The following SNX19 variants were observed in gnomAD, a reference collection of about 807,000 sequenced individuals.
SNX19 encodes sorting nexin 19.
SNX19 carries 60 observed loss-of-function variants against 85.2 expected under a neutral mutation model. That is an observed-to-expected ratio of 0.70 (90% CI 0.57 to 0.87). SNX19 has a LOEUF of 0.87. SNX19 is among the 40% of genes least tolerant of loss of function. SNX19 has a pLI of 0.00. For missense variants in SNX19, 1,201 were observed against 1,217.8 expected, an observed-to-expected ratio of 0.99 and a Z score of 0.21; for synonymous variants, 520 against 470.0, an observed-to-expected ratio of 1.11 and a Z score of -1.38.
intron 8 of SNX19, among the ~76,000 whole-genome samples, chr11:130,890,142 A>G (rs750200098): frequency 1.3e-5 from 2 of 152,268 alleles, no homozygotes; most frequent in East Asian, 1.9e-4. Flanking sequence ...ATGCTTCTCA[A>G]TCTGCAAGGT....
chr11:130,889,218 A>G (rs1233250078), intron 8 of SNX19, among the ~76,000 whole-genome samples: 4 of 152,106 alleles, frequency 2.6e-5, no homozygotes, highest in Non-Finnish European at 4.4e-5. Context: ...TGCATTGTTC[A>G]GTATGTGTCC....
chr11:130,870,750 A>G lies in SNX19; in HGVS notation c.*7672T>C, dbSNP rs935381177. 2.6e-5 allele frequency among the ~76,000 whole-genome samples: 4 copies of G among 152,074 alleles called. No homozygotes were observed. Among genetic ancestry groups the G allele is most frequent in the South Asian group, 2.1e-4 (1 of 4,828 alleles). ...CTTATTCACAAATTTTGCCTCTTAA[A>G]TAAACATAATCTTTAATTAAGTAAA... On this transcript the variant is annotated 3_prime_UTR_variant, in exon 11 of 11. Coordinates refer to ENST00000265909, the MANE Select transcript of SNX19 (RefSeq NM_014758.3).
At chr11:130,894,000 A>C in intron 8 of SNX19, 2 of 574,866 alleles carry the variant, frequency 3.5e-6, no homozygotes, top group Non-Finnish European at 6.2e-6. Context: ...CTCCAAAACC[A>C]AGTTAATGGG....
chr11:130,896,834 G>C (rs1401617470), intron 8 of SNX19, among the ~76,000 whole-genome samples: 1 of 152,092 alleles, frequency 6.6e-6, no homozygotes, highest in Non-Finnish European at 1.5e-5. Flanking sequence ...TTTGGTGGCA[G>C]ACCTGGAGGT....
At chr11:130,911,857 C>T in intron 1 of SNX19, 86 bp from the exon 2 acceptor site, 2 of 1,344,140 alleles carry the variant, frequency 1.5e-6, no homozygotes, top group Non-Finnish European at 2.1e-6. Context: ...GGTCAATGGC[C>T]ACATAGCAAG....
chr11:130,905,990 T>C lies in SNX19; in HGVS notation c.2406A>G (p.Ala802=), dbSNP rs567811431. 1 of 1,614,136 alleles carries C rather than the reference T, an allele frequency of 6.2e-7. No individual in the cohort carries two copies. The highest frequency in any genetic ancestry group is 1.1e-5 in the South Asian group (1 of 91,092). ...KGRVDSCVSD[A]AVPAQDPSNS... ...TGCTGGGGTCTTGGGCTGGCACGGC[T>C]GCATCTGACACGCAACTGTCCACAC... Residue 802 remains alanine, a synonymous_variant, in exon 7 of 11, where the codon GCA becomes GCG. Coordinates refer to ENST00000265909, the MANE Select transcript of SNX19 (RefSeq NM_014758.3).
rs939405736 is a variant in SNX19, at chr11:130,876,761, C to T, written c.*1661G>A. The T allele has an allele frequency of 6.6e-6, 1 of 152,662 alleles. No homozygotes were observed. The highest frequency in any genetic ancestry group is 2.4e-5 in the African/African-American group (1 of 41,436). The allele number at this position is 152,662 out of a possible 1,614,324, so 9.5% of individuals were successfully genotyped here. On this transcript the variant is annotated 3_prime_UTR_variant, in exon 11 of 11. Transcript: ENST00000265909. ...ACGGAAAGTAGAGATGCTGAGCTAC[C>T]TTTTCTTGTCAAAGTCTAGGGCTGG...
Position 130,867,654 on chromosome 11 carries a change from G to A in SNX19, c.*10768C>T, listed in dbSNP as rs1942824249. The A allele has an allele frequency of 6.6e-6, 1 of 152,204 alleles. No individual in the cohort carries two copies. The highest frequency in any genetic ancestry group is 2.4e-5 in the African/African-American group (1 of 41,450). The allele number at this position is 152,204 out of a possible 1,614,324, so 9.4% of individuals were successfully genotyped here. ...TCCTTCCTTAAATTGAGACCCAAAT[G>A]AGGTGGAAGAAAATCTCTACTGAGA... On this transcript the variant is annotated 3_prime_UTR_variant, in exon 11 of 11. Transcript: ENST00000265909.
rs768673284 is a variant in SNX19, at chr11:130,914,961, G to C, written c.979C>G (p.Pro327Ala). 1.4e-5 allele frequency: 23 copies of C among 1,614,016 alleles called. No individual in the cohort carries two copies. In the Admixed American group the frequency reaches 1.7e-4, roughly 12 times the overall value. The change falls in exon 1 of 11, where the codon CCA becomes GCA. Residue 327 changes from proline (P) to alanine (A), a missense_variant. Transcript: ENST00000265909. ...SEPEGSAGPS[P>A]EVEEGHEAVE... Reference sequence around the variant, plus strand: ...GCTTCGTGGCCTTCTTCAACCTCTGGAGAGGGGCCTGCAGAACCCTCTGGC... The same window carrying C: ...GCTTCGTGGCCTTCTTCAACCTCTGCAGAGGGGCCTGCAGAACCCTCTGGC...
Position 130,911,702 on chromosome 11 carries a change from G to C in SNX19, c.1744C>G (p.Arg582Gly). The change falls in exon 2 of 11, where the codon CGC becomes GGC. Residue 582 changes from arginine (R) to glycine (G), a missense_variant. Around this residue, in one of 3 missense-constraint regions of SNX19, gnomAD observed 791 missense variants for 750.9 expected, o/e 1.05. Coordinates refer to ENST00000265909, the MANE Select transcript of SNX19 (RefSeq NM_014758.3). ...QQLAYHTVNR[R>G]YREFLNLQTR... Reference sequence around the variant, plus strand: ...TGCAGATTCAAGAACTCCCGATAGCGACGATTCACAGTGTGGTAGGCCAGC... The same window carrying C: ...TGCAGATTCAAGAACTCCCGATAGCCACGATTCACAGTGTGGTAGGCCAGC... 1 of 1,614,150 alleles carries C rather than the reference G, an allele frequency of 6.2e-7. No homozygotes were observed. The highest frequency in any genetic ancestry group is 8.5e-7 in the Non-Finnish European group (1 of 1,180,018).
rs200183131 is a variant in SNX19 at position 130,914,497 on chromosome 11, T to A, written c.1443A>T (p.Ser481=). The change falls in exon 1 of 11, where the codon TCA becomes TCT. Residue 481 remains serine (S), a synonymous_variant. Coordinates refer to ENST00000265909, the MANE Select transcript of SNX19 (RefSeq NM_014758.3). ...GPEKTCPSRP[S]CLEKDLTNDV... is the part of the protein sequence containing the mutation. ...CATTGGTGAGATCCTTCTCTAAGCATGACGGCCGTGAGGGGCAGGTCTTTT... is the reference window on the plus strand; with the variant it reads ...CATTGGTGAGATCCTTCTCTAAGCAAGACGGCCGTGAGGGGCAGGTCTTTT... 250 of 1,613,818 alleles carry A rather than the reference T, an allele frequency of 1.5e-4. No homozygotes were observed. The highest frequency in any genetic ancestry group is 1.2e-4 in the Admixed American group (7 of 60,002).
chr11:130,909,710 GAC>G (rs1271435633), intron 4 of SNX19, among the ~76,000 whole-genome samples: 6 of 152,162 alleles, frequency 3.9e-5, no homozygotes, highest in Admixed American at 3.9e-4. Flanking sequence ...TATCTGTGAA[GAC>G]ACAGATCAAT....
At chr11:130,881,589 C>T (rs1401189727) in intron 8 of SNX19, among the ~76,000 whole-genome samples, 1 of 152,218 alleles carries the variant, frequency 6.6e-6, no homozygotes, top group African/African-American at 2.4e-5. Context: ...CTCTACCTCC[C>T]CAGCCATATC....
intron 8 of SNX19, chr11:130,894,987 T>G: frequency 1.0e-6 from 1 of 985,420 alleles, no homozygotes; most frequent in Non-Finnish European, 1.2e-6. Context: ...CTAAGTCACA[T>G]AGCCTCAAAG....
Position 130,870,646 on chromosome 11 carries a change from A to G in SNX19, c.*7776T>C, listed in dbSNP as rs897078853. On this transcript the variant is annotated 3_prime_UTR_variant, in exon 11 of 11. Coordinates refer to ENST00000265909, the MANE Select transcript of SNX19 (RefSeq NM_014758.3). ...CCCTTCAAGCCTTTCCATAAAAGTC[A>G]CCAGCACCCTGTCTCTGGGATGTGG... Among the ~76,000 whole-genome samples, 4 of 152,234 alleles carry G rather than the reference A, an allele frequency of 2.6e-5. No individual in the cohort carries two copies. The highest frequency in any genetic ancestry group is 4.8e-5 in the African/African-American group (2 of 41,450).
intron 6 of SNX19, 147 bp from the exon 7 acceptor site, chr11:130,906,280 AT>A: frequency 2.3e-6 from 2 of 855,468 alleles, no homozygotes; most frequent in East Asian, 2.7e-5. Context: ...GAAAGATTTT[AT>A]TTTTTACCGA....
At chr11:130,910,480 T>TA (rs1464723482) in intron 2 of SNX19, 110 bp from the exon 3 acceptor site, 35 of 815,792 alleles carry the variant, frequency 4.3e-5, no homozygotes, top group African/African-American at 1.7e-4. Flanking sequence ...TTCCTTGGAT[T>TA]AAAAAAAACA....
At position 130,915,499 on chromosome 11, in the gene SNX19, G is replaced by T; in HGVS notation, c.441C>A (p.Ser147Arg). 6.2e-7 allele frequency: 1 copy of T among 1,614,212 alleles called. No homozygotes were observed. Among genetic ancestry groups the T allele is most frequent in the Non-Finnish European group, 8.5e-7 (1 of 1,180,034 alleles). Residue 147 changes from serine (S) to arginine (R), a missense_variant, in exon 1 of 11, where the codon AGC becomes AGA. Ser to Arg is a moderately radical substitution (Grantham distance 110). Coordinates refer to ENST00000265909, the MANE Select transcript of SNX19 (RefSeq NM_014758.3). ...GLVQELRRRMSVMDSHAVAQS... is the reference protein window; with the variant it reads ...GLVQELRRRMRVMDSHAVAQS... ...GGGCAACAGCATGACTGTCCATCAC[G>T]CTCATCCTTCTCCGAAGCTCCTGGA...
rs759986844 is a variant in SNX19, at chr11:130,880,743, A to C, written c.2637T>G (p.Leu879=). 1.2e-6 allele frequency: 2 copies of C among 1,611,610 alleles called. No individual in the cohort carries two copies. Among genetic ancestry groups the C allele is most frequent in the Admixed American group, 1.7e-5 (1 of 59,974 alleles). ...CACCAGGCCAGATGGACTCCTGAAG[A>C]AGCAGGAGGTACTGCACCCAGCGCT... The part of the protein sequence containing the change: ...SPQRWVQYLL[L]LQESIWPGGV... Residue 879 remains leucine (L), a synonymous_variant, in exon 9 of 11, where the codon CTT becomes CTG. Coordinates refer to ENST00000265909, the MANE Select transcript of SNX19 (RefSeq NM_014758.3).
Sources: allele counts gnomAD v4.1 joint callset (sites outside exome capture counted in the v4.1 genomes callset), GRCh38; gene constraint gnomAD v4.1.1; regional missense constraint gnomAD v4.1.1; transcripts MANE v1.5; gene names NCBI Gene and HGNC (gene_info 2026-07-23, HGNC 2026-07-21).